The following NRCAM variants were observed in gnomAD, a reference collection of about 807,000 sequenced individuals.
The protein encoded by NRCAM is NgCAM-related cell adhesion molecule.
Under a neutral mutation model 156.5 loss-of-function variants are expected in NRCAM, and 83 were observed. The observed-to-expected ratio is 0.53, with a 90% CI of 0.44 to 0.64. The LOEUF (loss-of-function observed/expected upper bound fraction) is 0.64, where lower values mean the gene tolerates loss of function less well. NRCAM is among the 30% of genes least tolerant of loss of function. The pLI is 0.00. For synonymous variants in NRCAM, 538 were observed against 563.9 expected (o/e 0.95, Z 0.65); for missense variants, 1,417 against 1,597.3 (o/e 0.89, Z 1.92).
At chr7:108,250,447 A>AAG (rs1554401882) in intron 3 of NRCAM, among the ~76,000 whole-genome samples, 10 of 129,170 alleles carry the variant, frequency 7.7e-5, no homozygotes, top group African/African-American at 1.9e-4. Flanking sequence ...AAAAAAAAAA[A>AAG]AAAGAAAGAG....
intron 1 of NRCAM, among the ~76,000 whole-genome samples, chr7:108,451,866 G>T (rs1158036): frequency 6.6e-6 from 1 of 151,926 alleles, no homozygotes; most frequent in African/African-American, 2.4e-5. Flanking sequence ...TTCTGGAGAG[G>T]TATAGTGGTG....
chr7:108,198,649 A>G (rs1324873702), intron 13 of NRCAM, among the ~76,000 whole-genome samples: 9 of 152,102 alleles, frequency 5.9e-5, no homozygotes, highest in Admixed American at 5.9e-4. Flanking sequence ...ATATAGAAAC[A>G]CTCCAGCTTG....
chr7:108,265,315 G>T (rs998232225), intron 3 of NRCAM, among the ~76,000 whole-genome samples: 2 of 152,190 alleles, frequency 1.3e-5, no homozygotes, highest in African/African-American at 4.8e-5. Flanking sequence ...CTACACTGGT[G>T]TCCTCACCCT....
At chr7:108,154,612 CAG>C (rs1369017498) in intron 32 of NRCAM, among the ~76,000 whole-genome samples, 5 of 152,144 alleles carry the variant, frequency 3.3e-5, no homozygotes, top group African/African-American at 1.2e-4. Context: ...CCTCCTCCAA[CAG>C]AGTCTTTCCA....
At chr7:108,174,470 C>T (rs1376926960) in intron 28 of NRCAM, among the ~76,000 whole-genome samples, 2 of 152,228 alleles carry the variant, frequency 1.3e-5, no homozygotes, top group African/African-American at 2.4e-5. Context: ...GGGCATGCCA[C>T]GTGAAAACAG....
At chr7:108,386,236 C>T (rs566855908) in intron 2 of NRCAM, among the ~76,000 whole-genome samples, 2 of 152,280 alleles carry the variant, frequency 1.3e-5, no homozygotes, top group Non-Finnish European at 2.9e-5. Context: ...TCTAACTCTG[C>T]CAATTACTAT....
intron 2 of NRCAM, among the ~76,000 whole-genome samples, chr7:108,365,629 G>A (rs2099587264): frequency 6.7e-6 from 1 of 150,338 alleles, no homozygotes; most frequent in African/African-American, 2.5e-5. Flanking sequence ...TACATATTCA[G>A]GATGAAAACC....
chr7:108,167,083 T>G lies in NRCAM; in HGVS notation c.3314-10A>C. 6.2e-7 allele frequency: 1 copy of G among 1,608,720 alleles called. No homozygotes were observed. The highest frequency in any genetic ancestry group is 8.5e-7 in the Non-Finnish European group (1 of 1,177,180). The stretch of plus-strand genomic sequence containing the variant: ...CTCCATTCTTCTTTGCCTATGGAAA[T>G]TTTGCAAAAACAACACATTTGAATA... On this transcript the variant is annotated splice_polypyrimidine_tract_variant and intron_variant, in intron 29 of 32. Transcript: ENST00000379028.
intron 1 of NRCAM, among the ~76,000 whole-genome samples, chr7:108,409,471 T>C (rs560366432): frequency 1.1e-4 from 16 of 152,182 alleles, no homozygotes; most frequent in Non-Finnish European, 1.9e-4. Flanking sequence ...CCTGTTGACC[T>C]CTCTCCAGAG....
At chr7:108,303,492 T>C (rs558648467) in intron 3 of NRCAM, among the ~76,000 whole-genome samples, 1 of 152,294 alleles carries the variant, frequency 6.6e-6, no homozygotes, top group Admixed American at 6.5e-5. Flanking sequence ...TCCAATCTAT[T>C]CTACATATAG....
chr7:108,154,618 C>G (rs1009972781), intron 32 of NRCAM, among the ~76,000 whole-genome samples: 9 of 152,174 alleles, frequency 5.9e-5, no homozygotes, highest in South Asian at 4.1e-4. Flanking sequence ...CCAACAGAGT[C>G]TTTCCAGGAA....
At chr7:108,373,471 G>A (rs752936482) in intron 2 of NRCAM, among the ~76,000 whole-genome samples, 7 of 152,178 alleles carry the variant, frequency 4.6e-5, no homozygotes, top group Non-Finnish European at 1.0e-4. Flanking sequence ...GGTATGGGGA[G>A]CTACAGCTAC....
intron 3 of NRCAM, among the ~76,000 whole-genome samples, chr7:108,299,143 G>GA (rs1183508156): frequency 5.4e-5 from 3 of 55,166 alleles, no homozygotes; most frequent in African/African-American, 1.9e-4. Context: ...AGAAAGAAAA[G>GA]AAAAGTAAAA....
chr7:108,325,273 G>A (rs68029971), intron 2 of NRCAM, among the ~76,000 whole-genome samples: 37,853 of 151,874 alleles, frequency 0.25, 5,237 homozygotes, highest in Non-Finnish European at 0.3. Context: ...CTCATGACTT[G>A]GGTCATCTTA....
At chr7:108,259,042 A>G (rs1185519017) in intron 3 of NRCAM, among the ~76,000 whole-genome samples, 1 of 152,174 alleles carries the variant, frequency 6.6e-6, no homozygotes, top group Non-Finnish European at 1.5e-5. Flanking sequence ...TGAGTGCCCA[A>G]CAGCCACATG....
intron 13 of NRCAM, among the ~76,000 whole-genome samples, chr7:108,202,129 A>T (rs1230720508): frequency 6.6e-6 from 1 of 152,212 alleles, no homozygotes; most frequent in East Asian, 1.9e-4. Context: ...TCTGCTGTCA[A>T]TAAACACTGG....
At chr7:108,444,068 T>TTAAA (rs957346672) in intron 1 of NRCAM, among the ~76,000 whole-genome samples, 4 of 152,056 alleles carry the variant, frequency 2.6e-5, no homozygotes, top group African/African-American at 4.8e-5. Flanking sequence ...GAAAATATCC[T>TTAAA]TAAATAAATA....
At chr7:108,405,160 A>G (rs2099803716) in intron 1 of NRCAM, among the ~76,000 whole-genome samples, 1 of 152,228 alleles carries the variant, frequency 6.6e-6, no homozygotes, top group South Asian at 2.1e-4. Flanking sequence ...AAGCAGAGAG[A>G]AGAGACTGTT....
chr7:108,177,558 G>A (rs889392160), intron 26 of NRCAM, among the ~76,000 whole-genome samples: 1 of 151,738 alleles, frequency 6.6e-6, no homozygotes, highest in African/African-American at 2.4e-5. Context: ...GGGAGATGGA[G>A]CTTGCAGTGA....
Sources: gnomAD v4.1 joint callset for allele counts (sites outside exome capture counted in the v4.1 genomes callset) on GRCh38, gnomAD v4.1.1 for gene constraint, MANE v1.5 for transcripts, NCBI Gene and HGNC (gene_info 2026-07-23, HGNC 2026-07-21) for gene names.